Variants in STON1 observed in about 807,000 individuals in gnomAD.
STON1 encodes stonin 1.
STON1 carries 79 observed loss-of-function variants against 60.9 expected under a neutral mutation model. The ratio of observed to expected loss-of-function variants is 1.30; its 90% CI spans 1.08 to 1.56. The LOEUF (loss-of-function observed/expected upper bound fraction) is 1.56, where lower values mean the gene tolerates loss of function less well. Ranked by LOEUF, STON1 falls within the 40% of genes most tolerant of loss-of-function variation. The pLI, the probability that STON1 is intolerant of heterozygous loss-of-function variation, is 0.00. For missense variants in STON1, 1,166 were observed against 858.9 expected (o/e 1.36, Z -4.47); for synonymous variants, 363 against 306.9 (o/e 1.18, Z -1.91).
chr2:48,542,413 C>T (rs1671691190), intron 1 of STON1, among the ~76,000 whole-genome samples: 1 of 152,186 alleles, frequency 6.6e-6, no homozygotes, highest in South Asian at 2.1e-4. Flanking sequence ...TTACTTAACA[C>T]CTCTGAGTCT....
chr2:48,550,493 ATCTC>A (rs1672054515), intron 1 of STON1, among the ~76,000 whole-genome samples: 1 of 147,320 alleles, frequency 6.8e-6, no homozygotes, highest in Non-Finnish European at 1.5e-5. Flanking sequence ...GTGAAACTCT[ATCTC>A]AAAAAAAAAA....
At chr2:48,576,926 C>T (rs946381849) in intron 1 of STON1, among the ~76,000 whole-genome samples, 6 of 151,128 alleles carry the variant, frequency 4.0e-5, no homozygotes, top group Non-Finnish European at 7.4e-5. Context: ...CGGTGGCGGG[C>T]GCCTGTAGTC....
intron 1 of STON1, among the ~76,000 whole-genome samples, chr2:48,570,125 A>G (rs566192431): frequency 1.1e-4 from 16 of 152,346 alleles, no homozygotes; most frequent in African/African-American, 3.4e-4. Flanking sequence ...ACTTGAGGTC[A>G]GGAGTTTGAG....
chr2:48,592,174 CAT>C (rs376404865), intron 3 of STON1, among the ~76,000 whole-genome samples: 1 of 152,248 alleles, frequency 6.6e-6, no homozygotes, highest in African/African-American at 2.4e-5. Context: ...TGCTGCAGAA[CAT>C]GTGTCCCATA....
chr2:48,566,419 G>A (rs1350087022), intron 1 of STON1, among the ~76,000 whole-genome samples: 2 of 151,074 alleles, frequency 1.3e-5, no homozygotes, highest in East Asian at 3.9e-4. Context: ...CAGGTGATCT[G>A]CCCACCTCAG....
intron 1 of STON1, among the ~76,000 whole-genome samples, chr2:48,554,291 G>A (rs188821892): frequency 1.3e-5 from 2 of 151,964 alleles, no homozygotes; most frequent in Non-Finnish European, 1.5e-5. Flanking sequence ...ACACAATCTC[G>A]GCTCACTGCA....
chr2:48,568,123 A>C (rs964841292), intron 1 of STON1, among the ~76,000 whole-genome samples: 5 of 152,166 alleles, frequency 3.3e-5, no homozygotes, highest in Non-Finnish European at 5.9e-5. Context: ...GAATTGACCC[A>C]ACAGGGACAG....
intron 1 of STON1, among the ~76,000 whole-genome samples, chr2:48,532,857 A>G (rs547002264): frequency 2.0e-5 from 3 of 152,336 alleles, no homozygotes; most frequent in South Asian, 2.1e-4. Flanking sequence ...GGAAATATCA[A>G]TACATGAAGT....
At chr2:48,570,347 AAAG>A (rs1673139370) in intron 1 of STON1, among the ~76,000 whole-genome samples, 1 of 152,138 alleles carries the variant, frequency 6.6e-6, no homozygotes, top group South Asian at 2.1e-4. Flanking sequence ...TTAAAAAAAA[AAAG>A]AATTCCAATA....
chr2:48,592,992 C>T (rs920921446), intron 3 of STON1, among the ~76,000 whole-genome samples: 13 of 152,130 alleles, frequency 8.5e-5, no homozygotes, highest in Non-Finnish European at 1.8e-4. Flanking sequence ...AGGACATACA[C>T]TTACATCTGT....
intron 1 of STON1, among the ~76,000 whole-genome samples, chr2:48,540,993 T>C (rs2103753853): frequency 6.6e-6 from 1 of 152,330 alleles, no homozygotes; most frequent in African/African-American, 2.4e-5. Flanking sequence ...TTCTACCCAA[T>C]CCGTCATACT....
intron 1 of STON1, among the ~76,000 whole-genome samples, chr2:48,536,546 T>C (rs1445494524): frequency 1.6e-5 from 2 of 123,178 alleles, no homozygotes; most frequent in African/African-American, 6.3e-5. Flanking sequence ...AGATGCCATC[T>C]TAAAAAAAAA....
intron 1 of STON1, among the ~76,000 whole-genome samples, chr2:48,563,056 C>G (rs955729370): frequency 2.0e-5 from 3 of 152,336 alleles, no homozygotes; most frequent in South Asian, 4.1e-4. Context: ...CTGTGAAGGG[C>G]AGGTAACCAG....
intron 2 of STON1, among the ~76,000 whole-genome samples, chr2:48,588,594 A>C (rs912963482): frequency 6.6e-6 from 1 of 152,092 alleles, no homozygotes; most frequent in African/African-American, 2.4e-5. Flanking sequence ...CAGGCAACCC[A>C]CCCGCCTTGG....
chr2:48,531,566 G>A (rs1038702921), intron 1 of STON1: 1 of 152,260 alleles, frequency 6.6e-6, no homozygotes, highest in Admixed American at 6.5e-5. Flanking sequence ...GACAGATCAA[G>A]TCTGGAGTCT....
chr2:48,547,834 T>G (rs988374375), intron 1 of STON1, among the ~76,000 whole-genome samples: 4 of 152,230 alleles, frequency 2.6e-5, no homozygotes. Context: ...AACTCACTTA[T>G]ACAGTAATGA....
intron 1 of STON1, among the ~76,000 whole-genome samples, chr2:48,570,805 G>T (rs1314982274): frequency 2.0e-5 from 3 of 149,920 alleles, no homozygotes; most frequent in East Asian, 3.9e-4. Flanking sequence ...TTTCTTTCTG[G>T]GCCTCATTCA....
intron 2 of STON1, among the ~76,000 whole-genome samples, chr2:48,583,976 C>G (rs1283845104): frequency 6.6e-6 from 1 of 151,894 alleles, no homozygotes; most frequent in Non-Finnish European, 1.5e-5. Flanking sequence ...GTCTCAAACT[C>G]CTGACTTTGT....
intron 1 of STON1, among the ~76,000 whole-genome samples, chr2:48,555,462 A>C (rs1358099238): frequency 4.0e-5 from 3 of 74,456 alleles, no homozygotes; most frequent in Admixed American, 1.3e-4. Context: ...GACCCCCCCC[A>C]CCTCCCTCCC....
Sources: allele counts gnomAD v4.1 joint callset (sites outside exome capture counted in the v4.1 genomes callset), GRCh38; gene constraint gnomAD v4.1.1; transcripts MANE v1.5; gene names NCBI Gene and HGNC (gene_info 2026-07-23, HGNC 2026-07-21).